The following SYNJ2 variants were observed in gnomAD, a reference collection of about 807,000 sequenced individuals.
SYNJ2 encodes the protein synaptojanin 2.
In SYNJ2, 116 loss-of-function variants were observed where a neutral mutation model predicts 141.3. The ratio of observed to expected loss-of-function variants is 0.82; its 90% CI spans 0.71 to 0.96. The LOEUF is 0.96. SYNJ2 is among the 40% of genes least tolerant of loss of function. SYNJ2 has a pLI of 0.00. For synonymous variants in SYNJ2, 745 were observed against 777.7 expected, an observed-to-expected ratio of 0.96 and a Z score of 0.70; for missense variants, 1,873 against 1,934.8, an observed-to-expected ratio of 0.97 and a Z score of 0.60.
At chr6:158,033,847 A>C (rs1008306173) in intron 4 of SYNJ2, among the ~76,000 whole-genome samples, 167 bp downstream of exon 4, 2 of 152,230 alleles carry the variant, frequency 1.3e-5, no homozygotes, top group South Asian at 4.1e-4. Flanking sequence ...GCTCCACATG[A>C]AAATGTGACC....
chr6:158,038,447 G>T (rs962371160), intron 4 of SYNJ2, among the ~76,000 whole-genome samples: 8 of 152,194 alleles, frequency 5.3e-5, no homozygotes, highest in African/African-American at 1.9e-4. Context: ...CAAGAGATGC[G>T]TAGCGGGGCC....
rs548263430 is a variant in SYNJ2 at position 158,016,571 on chromosome 6, C to A, written c.128-633C>A. On this transcript the variant is annotated intron_variant, in intron 1 of 26. Transcript: ENST00000355585. ...GCCTGCCCCGTCGTCACCAGAAGGGCCTGTGGCATCATTGGAGAGGTTAGG... is the reference window on the plus strand; with the variant it reads ...GCCTGCCCCGTCGTCACCAGAAGGGACTGTGGCATCATTGGAGAGGTTAGG... 4.6e-5 allele frequency among the ~76,000 whole-genome samples: 7 copies of A among 152,270 alleles called. No individual in the cohort carries two copies. In the East Asian group the frequency reaches 7.7e-4, roughly 17 times the overall value.
Position 158,084,132 on chromosome 6 carries a change from T to C in SYNJ2, c.3166T>C (p.Ser1056Pro). The C allele has an allele frequency of 6.2e-7, 1 of 1,614,108 alleles. No individual in the cohort carries two copies. The highest frequency in any genetic ancestry group is 2.2e-5 in the East Asian group (1 of 44,878). ...CACAGCACTGGCTCCTCCCAGCAAGTCACCTGCTCTCACCAAAAAGAAGCA... is the reference window on the plus strand; with the variant it reads ...CACAGCACTGGCTCCTCCCAGCAAGCCACCTGCTCTCACCAAAAAGAAGCA... ...GPTALAPPSK[S>P]PALTKKKQHP... The change falls in exon 22 of 27, where the codon TCA becomes CCA. Residue 1056 changes from serine to proline, a missense_variant. Transcript: ENST00000355585. The surrounding 1 kb of genome is among the most constrained non-coding windows in gnomAD (Gnocchi z 5.0).
intron 2 of SYNJ2, among the ~76,000 whole-genome samples, chr6:158,021,330 A>G (rs1466999763): frequency 6.6e-6 from 1 of 152,166 alleles, no homozygotes; most frequent in Non-Finnish European, 1.5e-5. Flanking sequence ...TCTCTGTAGG[A>G]CTGTTTTCCT....
chr6:158,077,290 G>A (rs1562390202), intron 17 of SYNJ2, among the ~76,000 whole-genome samples: 2 of 152,168 alleles, frequency 1.3e-5, no homozygotes, highest in South Asian at 2.1e-4. Context: ...CACTGCGCCT[G>A]GCCTCCTCTG....
chr6:158,011,136 C>A (rs1778255445), intron 1 of SYNJ2, among the ~76,000 whole-genome samples: 1 of 152,020 alleles, frequency 6.6e-6, no homozygotes. Context: ...GACCACATAA[C>A]AACGAGGGGA....
intron 15 of SYNJ2, among the ~76,000 whole-genome samples, chr6:158,072,218 C>T (rs964828325): frequency 1.3e-5 from 2 of 152,178 alleles, no homozygotes; most frequent in East Asian, 1.9e-4. Context: ...TCTGTGGTGG[C>T]TCAGATAAGC....
Position 158,098,488 on chromosome 6 carries a change from T to C in SYNJ2, c.*2124T>C, listed in dbSNP as rs1783900389. 6.6e-6 allele frequency: 1 copy of C among 151,696 alleles called. No homozygotes were observed. The highest frequency in any genetic ancestry group is 2.4e-5 in the African/African-American group (1 of 41,232). The allele number at this position is 151,696 out of a possible 1,614,324, so 9.4% of individuals were successfully genotyped here. ...TGTCAAATTTAGTGAACAACATAGA[T>C]TGGATTTGGAGTTGGTAGTAGGTAT... is the stretch of plus-strand genomic sequence containing the variant. On this transcript the variant is annotated 3_prime_UTR_variant, in exon 27 of 27. Transcript: ENST00000355585.
chr6:158,048,351 C>T (rs1245060016), intron 5 of SYNJ2, among the ~76,000 whole-genome samples: 1 of 152,068 alleles, frequency 6.6e-6, no homozygotes, highest in African/African-American at 2.4e-5. Flanking sequence ...GTGTTGTAAC[C>T]CTTGGGTTCA....
intron 4 of SYNJ2, among the ~76,000 whole-genome samples, chr6:158,041,223 GTCGGAC>G (rs1327909316): frequency 6.6e-5 from 10 of 152,312 alleles, no homozygotes; most frequent in Non-Finnish European, 1.3e-4. Flanking sequence ...CAAAGTGGCA[GTCGGAC>G]CCAGCTTGTG....
rs545504814 is a variant in SYNJ2, at chr6:158,050,884, C to G, written c.796-4083C>G. Among the ~76,000 whole-genome samples, 147 of 152,130 alleles carry G rather than the reference C, an allele frequency of 9.7e-4. 1 individual carries two copies. The highest frequency in any genetic ancestry group is 3.3e-3 in the African/African-American group (137 of 41,510). On this transcript the variant is annotated intron_variant, in intron 5 of 26. Coordinates refer to ENST00000355585, the MANE Select transcript of SYNJ2 (RefSeq NM_003898.4). ...TTCTGGTTAGGTGTCATCACCCAGG[C>G]CAGGGGATTCAGCGTCTCCCATCCC...
intron 4 of SYNJ2, among the ~76,000 whole-genome samples, chr6:158,037,216 C>T (rs1001245992): frequency 3.5e-4 from 53 of 152,040 alleles, no homozygotes; most frequent in African/African-American, 1.2e-3. Context: ...GCTGTCTCTT[C>T]GAAGTCCCCC....
At chr6:158,060,359 C>G (rs1228124716) in intron 7 of SYNJ2, among the ~76,000 whole-genome samples, 1 of 152,226 alleles carries the variant, frequency 6.6e-6, no homozygotes, top group Non-Finnish European at 1.5e-5. Context: ...CCCTGCTCCC[C>G]AGGCGCAAGA....
chr6:157,999,018 G>C (rs1777737113), intron 1 of SYNJ2, among the ~76,000 whole-genome samples: 1 of 152,184 alleles, frequency 6.6e-6, no homozygotes, highest in South Asian at 2.1e-4. Flanking sequence ...CAGAAGGAAA[G>C]TTTGTGCAGC....
chr6:158,066,718 C>T, intron 12 of SYNJ2, 83 bp downstream of exon 12: 1 of 1,497,068 alleles, frequency 6.7e-7, no homozygotes, highest in Non-Finnish European at 9.1e-7. Flanking sequence ...TGGCCATCGT[C>T]TTGTGGAATT....
At chr6:158,089,808 A>T in intron 24 of SYNJ2, 31 bp from the exon 25 acceptor site, 1 of 1,566,968 alleles carries the variant, frequency 6.4e-7, no homozygotes, top group Non-Finnish European at 8.8e-7. Context: ...GCCTCTGCTG[A>T]TACTCTGCTC....
In SYNJ2 at chr6:158,070,813, T is replaced by C. The variant is rs558842118; in HGVS notation, c.1941-789T>C. Among the ~76,000 whole-genome samples the C allele has an allele frequency of 5.3e-5, 8 of 152,224 alleles. No individual in the cohort carries two copies. Among genetic ancestry groups the C allele is most frequent in the Non-Finnish European group, 1.2e-4 (8 of 68,046 alleles). On this transcript the variant is annotated intron_variant, in intron 14 of 26. Transcript: ENST00000355585. The surrounding 1 kb of genome is among the most constrained non-coding windows in gnomAD (Gnocchi z 4.0). The stretch of plus-strand genomic sequence containing the variant: ...AGTGGGCATTTGAATGCAAGCAGGC[T>C]CTGGCATTGCATAAAAGTCCTTTTG...
At chr6:158,095,255 GC>G (rs1194132542) in intron 26 of SYNJ2, among the ~76,000 whole-genome samples, 1 of 152,072 alleles carries the variant, frequency 6.6e-6, no homozygotes, top group East Asian at 1.9e-4. Context: ...CCATGAATCA[GC>G]CCAGGTTGCA....
intron 1 of SYNJ2, among the ~76,000 whole-genome samples, chr6:157,993,389 T>G (rs1583286629): frequency 6.6e-6 from 1 of 152,230 alleles, no homozygotes; most frequent in South Asian, 2.1e-4. Flanking sequence ...TATTAGATTT[T>G]TTTCCTGTAG....
Sources: allele counts gnomAD v4.1 joint callset (sites outside exome capture counted in the v4.1 genomes callset), GRCh38; gene constraint gnomAD v4.1.1; non-coding constraint Gnocchi (gnomAD v3.1); transcripts MANE v1.5; gene names NCBI Gene and HGNC (gene_info 2026-07-23, HGNC 2026-07-21).